Variants in HYDIN observed in about 807,000 individuals in gnomAD.
HYDIN encodes axonemal central pair apparatus protein HYDIN.
A neutral mutation model predicts 403.9 loss-of-function variants in HYDIN; 132 were observed. The ratio of observed to expected loss-of-function variants is 0.33; its 90% CI spans 0.28 to 0.38. HYDIN has a LOEUF of 0.38. HYDIN is among the 10% of genes least tolerant of loss of function. HYDIN has a pLI of 1.00. For missense variants in HYDIN, 2,827 were observed against 5,009.5 expected, an observed-to-expected ratio of 0.56 and a Z score of 13.15; for synonymous variants, 1,202 against 1,891.7, an observed-to-expected ratio of 0.64 and a Z score of 9.46.
At chr16:71,079,184 G>C (rs1009948802) in intron 13 of HYDIN, among the ~76,000 whole-genome samples, 1 of 152,088 alleles carries the variant, frequency 6.6e-6, no homozygotes, top group Non-Finnish European at 1.5e-5. Flanking sequence ...TTACAGAATT[G>C]AAAGAGCATC....
intron 13 of HYDIN, among the ~76,000 whole-genome samples, chr16:71,073,738 C>T (rs987082683): frequency 6.6e-6 from 1 of 152,170 alleles, no homozygotes; most frequent in African/African-American, 2.4e-5. Flanking sequence ...TATCAGCTAG[C>T]ATGCCAGTTG....
chr16:70,926,467 G>T (rs545289258), intron 45 of HYDIN, among the ~76,000 whole-genome samples: 35 of 151,888 alleles, frequency 2.3e-4, no homozygotes, highest in Non-Finnish European at 3.7e-4. Flanking sequence ...GTTGTGGGGT[G>T]GGGGGAGAGG....
rs1267368156 is a variant in HYDIN, at chr16:70,875,747, C to G, written c.10558-828G>C. Among the ~76,000 whole-genome samples, 5 of 152,056 alleles carry G rather than the reference C, an allele frequency of 3.3e-5. No homozygotes were observed. The East Asian group carries it at 7.7e-4, about 23-fold the overall frequency. On this transcript the variant is annotated intron_variant, in intron 62 of 85. Transcript: ENST00000393567. The stretch of plus-strand genomic sequence containing the variant: ...TTCCTGGTGGAGAGTCTAAATACTC[C>G]GCAAGCAGAAATCCTACCAGATTCA...
rs368197508 is a variant in HYDIN at position 71,211,415 on chromosome 16, C to T, written c.-24+19147G>A. Among the ~76,000 whole-genome samples the T allele has an allele frequency of 4.0e-5, 6 of 150,758 alleles. No individual in the cohort carries two copies. The South Asian group carries it at 1.1e-3, about 27-fold the overall frequency. On this transcript the variant is annotated intron_variant, in intron 1 of 85. Coordinates refer to ENST00000393567, the MANE Select transcript of HYDIN (RefSeq NM_001270974.2). ...CAGCACTTTGGGAGGCCAAGGCGGG[C>T]GGATCACGAGGTCAGGAGATCGAGA...
At chr16:71,156,929 T>C (rs2085793560) in intron 6 of HYDIN, among the ~76,000 whole-genome samples, 1 of 152,042 alleles carries the variant, frequency 6.6e-6, no homozygotes, top group Non-Finnish European at 1.5e-5. Context: ...TACAGCCCAT[T>C]GCAGCCTCTT....
chr16:71,223,476 G>C (rs951882688), intron 1 of HYDIN, among the ~76,000 whole-genome samples: 3 of 151,874 alleles, frequency 2.0e-5, no homozygotes, highest in Non-Finnish European at 4.4e-5. Context: ...CAAATAAATG[G>C]GTCCTAATTA....
chr16:71,145,668 G>A (rs2085341521), intron 7 of HYDIN, among the ~76,000 whole-genome samples: 1 of 152,134 alleles, frequency 6.6e-6, no homozygotes, highest in Admixed American at 6.5e-5. Context: ...TTGATATCCA[G>A]GGAGGCTGGC....
intron 28 of HYDIN, among the ~76,000 whole-genome samples, chr16:70,982,610 C>A (rs1338417090): frequency 7.3e-6 from 1 of 136,580 alleles, no homozygotes; most frequent in Non-Finnish European, 1.5e-5. Context: ...TGGTAGCATA[C>A]AGAGTGTTTT....
chr16:71,152,236 T>G (rs1342274867), intron 7 of HYDIN, among the ~76,000 whole-genome samples: 1 of 152,032 alleles, frequency 6.6e-6, no homozygotes. Flanking sequence ...CATTCATTTT[T>G]TTTTTTTTAT....
intron 8 of HYDIN, chr16:71,132,599 C>T (rs1202863447): frequency 1.3e-5 from 1 of 78,648 alleles, no homozygotes; most frequent in Non-Finnish European, 2.4e-5. Context: ...AAATAAAATG[C>T]TTTGTGTGGA....
At chr16:70,977,099 C>G (rs1429609743) in intron 30 of HYDIN, among the ~76,000 whole-genome samples, 1 of 152,044 alleles carries the variant, frequency 6.6e-6, no homozygotes, top group African/African-American at 2.4e-5. Context: ...CACCCCACTG[C>G]TCTCCTAGGC....
At chr16:71,038,549 G>C (rs993954296) in intron 18 of HYDIN, among the ~76,000 whole-genome samples, 2 of 151,364 alleles carry the variant, frequency 1.3e-5, no homozygotes, top group Non-Finnish European at 3.0e-5. Flanking sequence ...AATAACAATA[G>C]GAAGCAATGT....
rs1379651773 is a variant in HYDIN at position 70,804,014 on chromosome 16, C to G, written c.*3566G>C. ...GATTCTCCAATGTAACTTCCACAAG[C>G]ATGTGTTGGAAGGGTTATTTTCATC... is the stretch of plus-strand genomic sequence containing the variant. On this transcript the variant is annotated 3_prime_UTR_variant, in exon 86 of 86. Coordinates refer to ENST00000393567, the MANE Select transcript of HYDIN (RefSeq NM_001270974.2). Among the ~76,000 whole-genome samples the G allele has an allele frequency of 6.6e-6, 1 of 152,236 alleles. No homozygotes were observed. The highest frequency in any genetic ancestry group is 1.5e-5 in the Non-Finnish European group (1 of 68,044).
intron 10 of HYDIN, among the ~76,000 whole-genome samples, chr16:71,099,781 C>T (rs1438266938): frequency 6.7e-6 from 1 of 148,642 alleles, no homozygotes; most frequent in African/African-American, 2.5e-5. Context: ...GTAGGAGGAA[C>T]AATTGAGGCC....
intron 2 of HYDIN, among the ~76,000 whole-genome samples, chr16:71,186,400 T>G (rs767229613): frequency 2.0e-5 from 3 of 152,164 alleles, no homozygotes; most frequent in Non-Finnish European, 2.9e-5. Context: ...AATCGGTAGG[T>G]AGTAAATAAT....
rs201636691 is a variant in HYDIN at position 70,840,207 on chromosome 16, G to A, written c.12900C>T (p.Cys4300=). The change falls in exon 76 of 86, where the codon TGC becomes TGT. Residue 4300 remains cysteine, a synonymous_variant. Transcript: ENST00000393567. ...IKISHGPTFM[C]NISGCAVSPA... The stretch of plus-strand genomic sequence containing the variant: ...GGCTCACAGCACAGCCTGAGATGTT[G>A]CACATAAATGTTGGACCATGGCTGA... 1.6e-3 allele frequency: 1,589 copies of A among 981,304 alleles called. 1 individual carries two copies. The highest frequency in any genetic ancestry group is 2.0e-3 in the Non-Finnish European group (1,345 of 674,916). The allele number at this position is 981,304 out of a possible 1,614,324, so 60.8% of individuals were successfully genotyped here.
intron 75 of HYDIN, among the ~76,000 whole-genome samples, chr16:70,842,121 G>C (rs1363448044): frequency 2.7e-5 from 4 of 150,658 alleles, no homozygotes; most frequent in Admixed American, 2.6e-4. Context: ...GGTCAATCCT[G>C]GACAATGTTC....
chr16:70,910,437 T>A (rs1478505354), intron 47 of HYDIN, among the ~76,000 whole-genome samples: 1 of 152,274 alleles, frequency 6.6e-6, no homozygotes, highest in African/African-American at 2.4e-5. Flanking sequence ...CTGAGTAGTA[T>A]TCCTTTGTGT....
At chr16:70,979,726 G>C (rs1279510454) in intron 29 of HYDIN, among the ~76,000 whole-genome samples, 1 of 152,192 alleles carries the variant, frequency 6.6e-6, no homozygotes, top group Non-Finnish European at 1.5e-5. Flanking sequence ...GAGCTCAGGA[G>C]TTCAAGACCA....
Sources: allele counts gnomAD v4.1 joint callset (sites outside exome capture counted in the v4.1 genomes callset), GRCh38; gene constraint gnomAD v4.1.1; transcripts MANE v1.5; gene names NCBI Gene and HGNC (gene_info 2026-07-23, HGNC 2026-07-21).